Variants in PCDHGA4 observed in about 807,000 individuals in gnomAD.
PCDHGA4 encodes protocadherin gamma-A4.
In PCDHGA4, 38 loss-of-function variants were observed where a neutral mutation model predicts 54.6. That is an observed-to-expected ratio of 0.70 (90% confidence interval 0.54 to 0.91). The LOEUF is 0.91. Among genes scored for constraint, PCDHGA4 ranks in the 40% least tolerant of loss-of-function variants. PCDHGA4 has a pLI of 0.00. For missense variants in PCDHGA4, 1,298 were observed against 1,220.9 expected, an observed-to-expected ratio of 1.06 and a Z score of -0.94; for synonymous variants, 511 against 512.9, an observed-to-expected ratio of 1.00 and a Z score of 0.05.
At chr5:141,409,522 G>C in intron 1 of PCDHGA4, 4 of 1,613,992 alleles carry the variant, frequency 2.5e-6, no homozygotes, top group Non-Finnish European at 3.4e-6. Context: ...GCATCACCTT[G>C]TATGTCGCTG....
At chr5:141,408,401 C>T in intron 1 of PCDHGA4, 2 of 1,614,010 alleles carry the variant, frequency 1.2e-6, no homozygotes, top group Non-Finnish European at 8.5e-7. Context: ...TCGCAAGCTG[C>T]GAGTGAGCGC....
At chr5:141,478,618 G>A (rs1374855853) in intron 1 of PCDHGA4, 1 of 1,556,056 alleles carries the variant, frequency 6.4e-7, no homozygotes, top group Non-Finnish European at 8.7e-7. Flanking sequence ...GGAAGGAATG[G>A]AGCTGTTTTT....
intron 1 of PCDHGA4, chr5:141,361,448 T>C: frequency 6.2e-7 from 1 of 1,614,014 alleles, no homozygotes; most frequent in Non-Finnish European, 8.5e-7. Context: ...AGCATAATTG[T>C]CACCCTGCAC....
At chr5:141,484,589 C>T (rs2154580160) in intron 1 of PCDHGA4, among the ~76,000 whole-genome samples, 1 of 152,074 alleles carries the variant, frequency 6.6e-6, no homozygotes, top group African/African-American at 2.4e-5. Context: ...GGAAGCTACT[C>T]ATTTAGAATA....
intron 1 of PCDHGA4, among the ~76,000 whole-genome samples, chr5:141,457,537 T>C (rs967428207): frequency 6.6e-6 from 1 of 152,228 alleles, no homozygotes; most frequent in Non-Finnish European, 1.5e-5. Context: ...TAGGGTTTAA[T>C]GACAAATGTA....
Position 141,418,614 on chromosome 5 carries a change from G to A in PCDHGA4, c.2514+60993G>A, listed in dbSNP as rs777074200. ...CAGGACGTGTACAGGGTTAGCCTTC[G>A]GGAAGACGTGCCTCCAGGCACCTCC... is the stretch of plus-strand genomic sequence containing the variant. On this transcript the variant is annotated intron_variant, in intron 1 of 3. Transcript: ENST00000571252. The A allele has an allele frequency of 5.0e-6, 8 of 1,613,876 alleles. No homozygotes were observed. In the East Asian group the frequency reaches 1.1e-4, roughly 22 times the overall value.
At chr5:141,371,506 C>G in intron 1 of PCDHGA4, 1 of 1,613,856 alleles carries the variant, frequency 6.2e-7, no homozygotes, top group Non-Finnish European at 8.5e-7. Flanking sequence ...CTGATCAAAA[C>G]ACATGATCTA....
rs951029522 is a variant in PCDHGA4, at chr5:141,487,944, G to A, written c.2515-6863G>A. 6.6e-6 allele frequency among the ~76,000 whole-genome samples: 1 copy of A among 152,164 alleles called. No homozygotes were observed. Among genetic ancestry groups the A allele is most frequent in the Admixed American group, 6.5e-5 (1 of 15,282 alleles). On this transcript the variant is annotated intron_variant, in intron 1 of 3. Transcript: ENST00000571252. The surrounding 1 kb of genome is among the most constrained non-coding windows in gnomAD (Gnocchi z 5.0). ...ACAGTGCACAGGGTACAGTGCACCA[G>A]GCAGTCACTTGGACAAAGGTGGCTG...
chr5:141,510,451 G>A (rs1330148267), intron 3 of PCDHGA4, among the ~76,000 whole-genome samples: 2 of 152,096 alleles, frequency 1.3e-5, no homozygotes, highest in East Asian at 1.9e-4. Context: ...AGGAGCCCAT[G>A]GTCTAGTGTG....
chr5:141,461,213 T>C (rs1457474925), intron 1 of PCDHGA4, among the ~76,000 whole-genome samples: 1 of 152,168 alleles, frequency 6.6e-6, no homozygotes, highest in African/African-American at 2.4e-5. Flanking sequence ...AGAATCTCCA[T>C]ACTGTTTTCC....
chr5:141,511,135 G>A lies in PCDHGA4; in HGVS notation c.2851G>A (p.Gly951Ser), dbSNP rs200541479. Residue 951 changes from glycine to serine, a missense_variant, in exon 4 of 4, where the codon GGC becomes AGC. Physicochemically the swap from Gly to Ser is moderately conservative, Grantham distance 56. Coordinates refer to ENST00000571252, the MANE Select transcript of PCDHGA4 (RefSeq NM_018917.4). The stretch of plus-strand genomic sequence containing the variant: ...TGGCAAGGCCCCAGCAGGTGGCAAT[G>A]GCAACAAGAAGAAGTCGGGCAAGAA... ...RDGKAPAGGN[G>S]NKKKSGKKEK... 2.8e-4 allele frequency: 448 copies of A among 1,614,188 alleles called. No homozygotes were observed. Among genetic ancestry groups the A allele is most frequent in the Non-Finnish European group, 3.0e-4 (352 of 1,180,016 alleles).
chr5:141,393,171 G>A (rs768471669), intron 1 of PCDHGA4: 1 of 1,613,268 alleles, frequency 6.2e-7, no homozygotes, highest in Non-Finnish European at 8.5e-7. Context: ...CTTTGGGGTA[G>A]AAATAGAAAT....
chr5:141,374,652 A>G, intron 1 of PCDHGA4: 1 of 1,612,302 alleles, frequency 6.2e-7, no homozygotes, highest in Non-Finnish European at 8.5e-7. Context: ...CATGGGCCCA[A>G]GTACCCGGAG....
Position 141,485,486 on chromosome 5 carries a change from C to T in PCDHGA4, c.2515-9321C>T, listed in dbSNP as rs2099614522. 6 of 1,614,102 alleles carry T rather than the reference C, an allele frequency of 3.7e-6. No individual in the cohort carries two copies. The highest frequency in any genetic ancestry group is 2.2e-5 in the East Asian group (1 of 44,866). The stretch of plus-strand genomic sequence containing the variant: ...TGGGCTCAGTGCCAGCTGCATCGTG[C>T]CCCTGGAGTTTGTCACCGAAGGTCC... On this transcript the variant is annotated intron_variant, in intron 1 of 3. Coordinates refer to ENST00000571252, the MANE Select transcript of PCDHGA4 (RefSeq NM_018917.4). This position sits in a 1 kb window ranked among gnomAD's most constrained non-coding sequence, Gnocchi z 5.7.
chr5:141,485,172 CA>C lies in PCDHGA4; in HGVS notation c.2515-9633del. 6.2e-7 allele frequency: 1 copy of C among 1,610,166 alleles called. No individual in the cohort carries two copies. Among genetic ancestry groups the C allele is most frequent in the Non-Finnish European group, 8.5e-7 (1 of 1,176,940 alleles). On this transcript the variant is annotated intron_variant, in intron 1 of 3. Coordinates refer to ENST00000571252, the MANE Select transcript of PCDHGA4 (RefSeq NM_018917.4). The surrounding 1 kb of genome is among the most constrained non-coding windows in gnomAD (Gnocchi z 5.7). ...CAAGTAGAGAATTAGCGGGCGGCAG[CA>C]ATGCTCCGCAAGGTGAGAAGCTGGA...
intron 1 of PCDHGA4, among the ~76,000 whole-genome samples, chr5:141,460,737 G>GTA (rs1393989215): frequency 2.0e-5 from 3 of 150,700 alleles, no homozygotes; most frequent in East Asian, 1.9e-4. Context: ...TATACACATT[G>GTA]TATATATATG....
chr5:141,361,838 G>C (rs761837286), intron 1 of PCDHGA4: 61 of 1,612,714 alleles, frequency 3.8e-5, no homozygotes, highest in Non-Finnish European at 4.9e-5. Flanking sequence ...CCCGCGCTGG[G>C]GCCTGATGGC....
intron 1 of PCDHGA4, among the ~76,000 whole-genome samples, chr5:141,454,796 ATTTTTTTTTTTTT>A (rs61612330): frequency 7.8e-5 from 6 of 77,408 alleles, no homozygotes; most frequent in African/African-American, 1.2e-4. Flanking sequence ...CATGGTTCTA[ATTTTTTTTTTTTT>A]TTTTTTTTTT....
chr5:141,375,043 A>G, intron 1 of PCDHGA4: 1 of 1,614,056 alleles, frequency 6.2e-7, no homozygotes, highest in Non-Finnish European at 8.5e-7. Context: ...TGGGTGTTGA[A>G]GCCCGGGATG....
Sources: gnomAD v4.1 joint callset for allele counts (sites outside exome capture counted in the v4.1 genomes callset) on GRCh38, gnomAD v4.1.1 for gene constraint, Gnocchi (gnomAD v3.1) non-coding constraint, MANE v1.5 for transcripts, NCBI Gene and HGNC (gene_info 2026-07-23, HGNC 2026-07-21) for gene names.